The following THSD7A variants were observed in gnomAD, a reference collection of about 807,000 sequenced individuals.
THSD7A encodes the protein thrombospondin type-1 domain-containing protein 7A.
A neutral mutation model predicts 231.3 loss-of-function variants in THSD7A; 96 were observed. The ratio of observed to expected loss-of-function variants is 0.41; its 90% CI spans 0.35 to 0.49. The LOEUF is 0.49. THSD7A is among the 20% of genes least tolerant of loss of function. The pLI is 0.05. For missense variants in THSD7A, 2,290 were observed against 2,070.2 expected (o/e 1.11, Z -2.06); for synonymous variants, 940 against 743.3 (o/e 1.26, Z -4.30).
chr7:11,706,077 T>C (rs1780755243), intron 1 of THSD7A, among the ~76,000 whole-genome samples: 1 of 151,022 alleles, frequency 6.6e-6, no homozygotes, highest in African/African-American at 2.4e-5. Context: ...TGTTTCAGAA[T>C]TACAATAATT....
intron 1 of THSD7A, among the ~76,000 whole-genome samples, chr7:11,690,567 G>C (rs1479387767): frequency 2.0e-5 from 3 of 151,620 alleles, no homozygotes; most frequent in East Asian, 2.0e-4. Context: ...TCGGTATTTT[G>C]GAAGGTGTAA....
chr7:11,750,102 T>A (rs1053929680), intron 1 of THSD7A, among the ~76,000 whole-genome samples: 1 of 151,762 alleles, frequency 6.6e-6, no homozygotes, highest in Non-Finnish European at 1.5e-5. Context: ...TGGTAAAATT[T>A]ACAGGGAGCC....
chr7:11,384,841 C>A (rs1270542274), intron 23 of THSD7A: 1 of 151,910 alleles, frequency 6.6e-6, no homozygotes, highest in East Asian at 1.9e-4. Context: ...ACTCCTCTGA[C>A]TTAATTTTAG....
At chr7:11,639,322 G>T (rs112093828) in intron 1 of THSD7A, among the ~76,000 whole-genome samples, 1 of 152,044 alleles carries the variant, frequency 6.6e-6, no homozygotes, top group Non-Finnish European at 1.5e-5. Context: ...ACTTATAAGG[G>T]TGTCACTTAA....
chr7:11,402,943 T>C (rs553276773), intron 22 of THSD7A, among the ~76,000 whole-genome samples: 4 of 152,248 alleles, frequency 2.6e-5, no homozygotes, highest in Admixed American at 6.5e-5. Context: ...GATGAACTTA[T>C]ATATGCATTT....
At chr7:11,564,527 T>A (rs924024800) in intron 4 of THSD7A, among the ~76,000 whole-genome samples, 28 of 152,232 alleles carry the variant, frequency 1.8e-4, no homozygotes, top group African/African-American at 6.3e-4. Context: ...CTTACAAATA[T>A]TACTCAGTCT....
intron 2 of THSD7A, among the ~76,000 whole-genome samples, chr7:11,629,022 C>A (rs888230461): frequency 2.0e-5 from 3 of 152,188 alleles, no homozygotes; most frequent in African/African-American, 7.2e-5. Flanking sequence ...TTACTAGAAT[C>A]TGAGGTAGAC....
intron 11 of THSD7A, among the ~76,000 whole-genome samples, chr7:11,458,175 T>C (rs1454946281): frequency 6.6e-6 from 1 of 152,118 alleles, no homozygotes; most frequent in African/African-American, 2.4e-5. Flanking sequence ...ATTTTTGTCA[T>C]AAAAATAGCA....
chr7:11,379,120 C>T lies in THSD7A; in HGVS notation c.4751G>A (p.Ser1584Asn), dbSNP rs546977609. ...SRAVHPTQPSSNPAGRGRTWF... is the reference protein window; with the variant it reads ...SRAVHPTQPSNNPAGRGRTWF... ...GGTCCTTCCCCGTCCTGCTGGGTTA[C>T]TGGAGGGTTGGGTTGGATGTACAGC... The change falls in exon 26 of 28, where the codon AGT becomes AAT. Residue 1584 changes from serine (S) to asparagine (N), a missense_variant. Physicochemically the swap from Ser to Asn is conservative, Grantham distance 46. Coordinates refer to ENST00000423059, the MANE Select transcript of THSD7A (RefSeq NM_015204.3). 1 of 1,613,624 alleles carries T rather than the reference C, an allele frequency of 6.2e-7. No individual in the cohort carries two copies. The highest frequency in any genetic ancestry group is 1.1e-5 in the South Asian group (1 of 91,084).
intron 6 of THSD7A, among the ~76,000 whole-genome samples, chr7:11,503,447 C>T (rs1304578786): frequency 6.6e-6 from 1 of 152,040 alleles, no homozygotes; most frequent in African/African-American, 2.4e-5. Flanking sequence ...CAAAAGCAAA[C>T]ATTGACAAAT....
At chr7:11,577,513 C>G (rs1396698489) in intron 4 of THSD7A, among the ~76,000 whole-genome samples, 1 of 151,812 alleles carries the variant, frequency 6.6e-6, no homozygotes, top group Non-Finnish European at 1.5e-5. Context: ...GATGGATTTT[C>G]GCCATGTTGA....
intron 2 of THSD7A, among the ~76,000 whole-genome samples, chr7:11,601,874 G>A (rs1780565400): frequency 6.6e-6 from 1 of 152,194 alleles, no homozygotes. Flanking sequence ...CAGCCTTCAA[G>A]AGGTTAGAAA....
chr7:11,824,202 C>T (rs2128187889), intron 1 of THSD7A, among the ~76,000 whole-genome samples: 1 of 152,220 alleles, frequency 6.6e-6, no homozygotes, highest in African/African-American at 2.4e-5. Flanking sequence ...GCCACATGCT[C>T]AGTGCCTCCT....
At chr7:11,641,610 T>G (rs1329232367) in intron 1 of THSD7A, among the ~76,000 whole-genome samples, 2 of 151,950 alleles carry the variant, frequency 1.3e-5, no homozygotes, top group Non-Finnish European at 2.9e-5. Context: ...TATATTTACA[T>G]TGAGAACCAG....
At chr7:11,587,611 C>T (rs1334234820) in intron 4 of THSD7A, among the ~76,000 whole-genome samples, 1 of 152,068 alleles carries the variant, frequency 6.6e-6, no homozygotes, top group Non-Finnish European at 1.5e-5. Flanking sequence ...TTACTAAAGA[C>T]CTTGTGAGTA....
intron 5 of THSD7A, among the ~76,000 whole-genome samples, chr7:11,542,695 C>T (rs187090130): frequency 1.6e-4 from 25 of 152,216 alleles, no homozygotes; most frequent in African/African-American, 5.8e-4. Context: ...CAGGCCTGAC[C>T]CCACAGCTCA....
chr7:11,512,260 G>C (rs1179462417), intron 6 of THSD7A, among the ~76,000 whole-genome samples: 1 of 152,154 alleles, frequency 6.6e-6, no homozygotes. Flanking sequence ...AGTTAGAATG[G>C]TGATCATTAA....
chr7:11,708,187 G>T (rs553084776), intron 1 of THSD7A, among the ~76,000 whole-genome samples: 1 of 150,390 alleles, frequency 6.6e-6, no homozygotes, highest in Non-Finnish European at 1.5e-5. Flanking sequence ...GTAGAGAGAA[G>T]GTTTATATTT....
At chr7:11,576,963 T>G (rs765744913) in intron 4 of THSD7A, among the ~76,000 whole-genome samples, 15 of 152,198 alleles carry the variant, frequency 9.9e-5, no homozygotes, top group Admixed American at 5.2e-4. Context: ...GAAGCGAGTA[T>G]GCTTGCAATG....
Sources: gnomAD v4.1 joint callset for allele counts (sites outside exome capture counted in the v4.1 genomes callset) on GRCh38, gnomAD v4.1.1 for gene constraint, MANE v1.5 for transcripts, NCBI Gene and HGNC (gene_info 2026-07-23, HGNC 2026-07-21) for gene names.